The following CACNA1E variants were observed in gnomAD, a reference collection of about 807,000 sequenced individuals.
CACNA1E encodes the protein voltage-dependent R-type calcium channel subunit alpha-1E.
CACNA1E carries 40 observed loss-of-function variants against 259.2 expected under a neutral mutation model. The ratio of observed to expected loss-of-function variants is 0.15; its 90% CI spans 0.12 to 0.20. The LOEUF (loss-of-function observed/expected upper bound fraction) is 0.20. CACNA1E is among the 10% of genes least tolerant of loss of function. The probability of loss-of-function intolerance (pLI) is 1.00; values close to 1 mark genes in which losing one functional copy is unlikely to be tolerated. For missense variants in CACNA1E, 1,874 were observed against 3,040.1 expected (o/e 0.62, Z 9.02); for synonymous variants, 1,104 against 1,138.5 (o/e 0.97, Z 0.61).
intron 2 of CACNA1E, among the ~76,000 whole-genome samples, chr1:181,416,890 C>T (rs1238303853): frequency 2.0e-5 from 3 of 152,134 alleles, no homozygotes; most frequent in Admixed American, 1.3e-4. Flanking sequence ...CTCTCTTCCC[C>T]ACGTCTTCAG....
In CACNA1E at chr1:181,458,824, CCCATCCATCCATCCAT is replaced by C. The variant is rs57607890; in HGVS notation, c.435-24888_435-24873del. ...TGATACATTTTAAATCATTTATTTA[CCCATCCATCCATCCAT>C]CCATCCATCCATCCATCCATCCATC... is the stretch of plus-strand genomic sequence containing the variant. On this transcript the variant is annotated intron_variant, in intron 2 of 11. Transcript: ENST00000524607. Among the ~76,000 whole-genome samples the C allele has an allele frequency of 1.1e-4, 16 of 150,488 alleles. No homozygotes were observed. In the East Asian group the frequency reaches 1.2e-3, roughly 11 times the overall value.
intron 7 of CACNA1E, among the ~76,000 whole-genome samples, chr1:181,685,499 C>T (rs1399353769): frequency 3.3e-5 from 5 of 151,974 alleles, no homozygotes; most frequent in Admixed American, 2.6e-4. Flanking sequence ...TGACTTGGCC[C>T]CTCTTGGAGT....
rs142847304 is a variant in CACNA1E at position 181,691,108 on chromosome 1, G to A, written c.1056-19846G>A. On this transcript the variant is annotated intron_variant, in intron 7 of 47. Coordinates refer to ENST00000367573, the MANE Select transcript of CACNA1E (RefSeq NM_001205293.3). ...TTCTCATTTTATGAAACTCTGACTT[G>A]ACTTATTTAAGATCTTCAACCTAAC... Among the ~76,000 whole-genome samples the A allele has an allele frequency of 7.4e-4, 112 of 151,834 alleles. 1 individual carries two copies. Among genetic ancestry groups the A allele is most frequent in the Non-Finnish European group, 1.3e-3 (87 of 67,870 alleles).
chr1:181,667,842 C>CT (rs796531775), intron 7 of CACNA1E, among the ~76,000 whole-genome samples: 2,589 of 144,504 alleles, frequency 0.018, 36 homozygotes, highest in African/African-American at 0.039. Flanking sequence ...ACGTGTCTGT[C>CT]TTTTTTTTTT....
chr1:181,755,335 G>C lies in CACNA1E; in HGVS notation c.3927G>C (p.Gln1309His). The change falls in exon 28 of 48, where the codon CAG becomes CAC. Residue 1309 changes from glutamine (Q) to histidine (H), a missense_variant. Around this residue, in one of 14 missense-constraint regions of CACNA1E, gnomAD observed 188 missense variants for 540.6 expected, o/e 0.35. Transcript: ENST00000367573. ...FMFIFAVIAV[Q>H]LFKGKFFYCT... ...TCATCTTTGCTGTCATCGCAGTTCAGCTCTTCAAGGGAAAGTTCTTTTATT... is the reference window on the plus strand; with the variant it reads ...TCATCTTTGCTGTCATCGCAGTTCACCTCTTCAAGGGAAAGTTCTTTTATT... The C allele has an allele frequency of 6.2e-7, 1 of 1,613,934 alleles. No homozygotes were observed.
intron 6 of CACNA1E, among the ~76,000 whole-genome samples, chr1:181,606,917 T>G (rs1396838088): frequency 6.6e-6 from 1 of 152,228 alleles, no homozygotes; most frequent in Non-Finnish European, 1.5e-5. Flanking sequence ...GAAAATCCAC[T>G]CTGATCATTG....
intron 1 of CACNA1E, among the ~76,000 whole-genome samples, chr1:181,388,153 G>A (rs553887168): frequency 1.3e-5 from 2 of 152,288 alleles, no homozygotes; most frequent in African/African-American, 4.8e-5. Context: ...GCCAGAGCAC[G>A]GCCATCGCTG....
At chr1:181,613,942 A>G (rs1654982493) in intron 6 of CACNA1E, among the ~76,000 whole-genome samples, 2 of 152,122 alleles carry the variant, frequency 1.3e-5, no homozygotes, top group Admixed American at 1.3e-4. Context: ...TTTAAGCCAA[A>G]TATCTTTCTA....
At position 181,475,208 on chromosome 1, in the gene CACNA1E, TGCAG is replaced by T. The variant is rs1430463244; in HGVS notation, c.435-8532_435-8529del. Among the ~76,000 whole-genome samples, 15 of 152,328 alleles carry T rather than the reference TGCAG, an allele frequency of 9.8e-5. No homozygotes were observed. In the East Asian group the frequency reaches 2.1e-3, roughly 22 times the overall value. ...AAGGCTTGCTATGAGGATAACATAA[TGCAG>T]GCACTCTAGGTAAAAGAACAAAGAG... is the stretch of plus-strand genomic sequence containing the variant. On this transcript the variant is annotated intron_variant, in intron 2 of 11. Coordinates refer to the CACNA1E transcript ENST00000524607.
intron 7 of CACNA1E, among the ~76,000 whole-genome samples, chr1:181,665,537 A>G (rs1053976480): frequency 6.6e-5 from 10 of 152,178 alleles, no homozygotes; most frequent in African/African-American, 2.4e-4. Context: ...CTGGTGTTCT[A>G]TTGCACAGTA....
intron 2 of CACNA1E, among the ~76,000 whole-genome samples, chr1:181,470,791 C>G (rs1662453187): frequency 6.6e-6 from 1 of 152,104 alleles, no homozygotes; most frequent in Non-Finnish European, 1.5e-5. Flanking sequence ...TGGCTCTTAT[C>G]AAGTCCTGAG....
intron 6 of CACNA1E, among the ~76,000 whole-genome samples, chr1:181,636,988 C>G (rs1657274117): frequency 6.6e-6 from 1 of 152,210 alleles, no homozygotes; most frequent in African/African-American, 2.4e-5. Context: ...ATATGCACCC[C>G]CATCCCTGAG....
In CACNA1E at chr1:181,490,614, C is replaced by G. The variant is rs75036928; in HGVS notation, c.266+6604C>G. ...GTTGCAACTCTGCATAATCTTGAGG[C>G]TATATTTTTGTGTGTGTGCTGCATT... On this transcript the variant is annotated intron_variant, in intron 1 of 47. Transcript: ENST00000367573. 3.9e-3 allele frequency among the ~76,000 whole-genome samples: 572 copies of G among 146,100 alleles called. 8 individuals are homozygous for G. The highest frequency in any genetic ancestry group is 0.032 in the East Asian group (156 of 4,866).
chr1:181,661,194 G>T (rs1011999107), intron 7 of CACNA1E, among the ~76,000 whole-genome samples: 1 of 152,186 alleles, frequency 6.6e-6, no homozygotes, highest in African/African-American at 2.4e-5. Context: ...CTTGATTCCA[G>T]AAGCTTGTGG....
chr1:181,440,957 G>A (rs655646), intron 2 of CACNA1E, among the ~76,000 whole-genome samples: 8,830 of 134,480 alleles, frequency 0.066, 443 homozygotes, highest in African/African-American at 0.15. Flanking sequence ...CTCCAGCCTG[G>A]GTGAGAGAGC....
chr1:181,579,408 C>T (rs1175029215), intron 5 of CACNA1E, among the ~76,000 whole-genome samples, 184 bp downstream of exon 5: 1 of 152,184 alleles, frequency 6.6e-6, no homozygotes, highest in Non-Finnish European at 1.5e-5. Context: ...CCTCACTTGA[C>T]ATTAATATTG....
chr1:181,524,232 T>G (rs1667190829), intron 3 of CACNA1E, among the ~76,000 whole-genome samples: 1 of 152,266 alleles, frequency 6.6e-6, no homozygotes. Flanking sequence ...TGGTTTTATT[T>G]TTTTATATTT....
intron 1 of CACNA1E, among the ~76,000 whole-genome samples, chr1:181,391,209 A>C (rs567046877): frequency 6.6e-6 from 1 of 152,244 alleles, no homozygotes; most frequent in South Asian, 2.1e-4. Flanking sequence ...TTAAAATTCT[A>C]CTCATTTTCC....
chr1:181,636,308 C>T (rs1657206219), intron 6 of CACNA1E, among the ~76,000 whole-genome samples: 1 of 152,176 alleles, frequency 6.6e-6, no homozygotes, highest in Non-Finnish European at 1.5e-5. Context: ...CTCTGTGCCT[C>T]AGTTTCCTCA....
Sources: allele counts gnomAD v4.1 joint callset (sites outside exome capture counted in the v4.1 genomes callset), GRCh38; gene constraint gnomAD v4.1.1; regional missense constraint gnomAD v4.1.1; transcripts MANE v1.5; gene names NCBI Gene and HGNC (gene_info 2026-07-23, HGNC 2026-07-21).